Variants in NFIB observed in about 807,000 individuals in gnomAD.
NFIB encodes the protein nuclear factor 1 B-type.
NFIB carries 11 observed loss-of-function variants against 61.5 expected under a neutral mutation model. The observed-to-expected ratio is 0.18, with a 90% CI of 0.11 to 0.30. The LOEUF is 0.30. NFIB is among the 10% of genes least tolerant of loss of function. NFIB has a pLI of 1.00. For synonymous variants in NFIB, 260 were observed against 216.5 expected (o/e 1.20, Z -1.76); for missense variants, 471 against 608.9 (o/e 0.77, Z 2.38).
chr9:14,445,147 A>G, the NFIB span, among the ~76,000 whole-genome samples: 12 of 152,128 alleles, frequency 7.9e-5, no homozygotes, highest in African/African-American at 2.7e-4. Context: ...ATAGGAATGT[A>G]GTTGATTTTT....
intron 2 of NFIB, among the ~76,000 whole-genome samples, chr9:14,251,593 C>T (rs1042723405): frequency 1.3e-5 from 2 of 152,184 alleles, no homozygotes; most frequent in African/African-American, 2.4e-5. Flanking sequence ...CAAGTGGTAT[C>T]GGTGAACTAG....
chr9:14,259,778 A>G (rs946231213), intron 2 of NFIB, among the ~76,000 whole-genome samples: 8 of 152,030 alleles, frequency 5.3e-5, no homozygotes, highest in African/African-American at 1.9e-4. Flanking sequence ...GGTGGCGGGC[A>G]CTTGTAATCC....
chr9:14,517,614 G>A, the NFIB span, among the ~76,000 whole-genome samples: 4 of 150,720 alleles, frequency 2.7e-5, no homozygotes, highest in African/African-American at 7.3e-5. Context: ...GTGTGGTAGC[G>A]GTGGTCGTGG....
intron 1 of NFIB, chr9:14,358,013 A>C (rs2061196101): frequency 6.6e-6 from 1 of 152,218 alleles, no homozygotes; most frequent in Admixed American, 6.5e-5. Context: ...GGAGGATGAC[A>C]GCAAAGTGGT....
chr9:14,512,117 C>A, the NFIB span, among the ~76,000 whole-genome samples: 1 of 152,184 alleles, frequency 6.6e-6, no homozygotes, highest in Non-Finnish European at 1.5e-5. Context: ...GGAATTCCTT[C>A]GCGTTGTATT....
At chr9:14,202,185 A>C (rs1031975625) in intron 2 of NFIB, among the ~76,000 whole-genome samples, 9 of 151,830 alleles carry the variant, frequency 5.9e-5, no homozygotes, top group African/African-American at 2.2e-4. Context: ...AGTGGGACAA[A>C]CTTTTTCATT....
In NFIB at chr9:14,083,340, C is replaced by G; in HGVS notation, c.*4969G>C. 4.4e-6 allele frequency: 1 copy of G among 227,310 alleles called. No individual in the cohort carries two copies. Among genetic ancestry groups the G allele is most frequent in the Non-Finnish European group, 8.8e-6 (1 of 114,092 alleles). The allele number at this position is 227,310 out of a possible 1,614,324, so 14.1% of individuals were successfully genotyped here. On this transcript the variant is annotated 3_prime_UTR_variant, in exon 11 of 11. Coordinates refer to ENST00000380953, the MANE Select transcript of NFIB (RefSeq NM_001190737.2). The stretch of plus-strand genomic sequence containing the variant: ...CAACTGCAGGGCTCCACTCCACCCA[C>G]ACAATTTTAGGGAATTAGAAAAAAC...
At chr9:14,155,304 TA>T (rs1180471585) in intron 4 of NFIB, among the ~76,000 whole-genome samples, 3 of 152,332 alleles carry the variant, frequency 2.0e-5, no homozygotes, top group African/African-American at 7.2e-5. Flanking sequence ...AGTGGCCAGT[TA>T]AAACAATTGG....
intron 1 of NFIB, among the ~76,000 whole-genome samples, chr9:14,390,667 G>A (rs1321806692): frequency 1.3e-5 from 2 of 152,306 alleles, no homozygotes; most frequent in East Asian, 3.9e-4. Context: ...TGAAAGTGGA[G>A]CCCTCATGAA....
At position 14,203,422 on chromosome 9, in the gene NFIB, T is replaced by C. The variant is rs576375947; in HGVS notation, c.563-23642A>G. Among the ~76,000 whole-genome samples, 3 of 152,350 alleles carry C rather than the reference T, an allele frequency of 2.0e-5. No individual in the cohort carries two copies. The South Asian group carries it at 6.2e-4, about 32-fold the overall frequency. ...GGGTGGAGAAGGCTGCCAAATTAAA[T>C]GTTTACATTAGCACAGCTGTATTGT... is the stretch of plus-strand genomic sequence containing the variant. On this transcript the variant is annotated intron_variant, in intron 2 of 10. Transcript: ENST00000380953.
At chr9:14,503,761 C>A in the NFIB span, among the ~76,000 whole-genome samples, 1 of 152,074 alleles carries the variant, frequency 6.6e-6, no homozygotes, top group African/African-American at 2.4e-5. Context: ...GATTTTCTCC[C>A]CTTCTGTGGG....
chr9:14,479,980 A>G, the NFIB span, among the ~76,000 whole-genome samples: 1 of 151,976 alleles, frequency 6.6e-6, no homozygotes, highest in African/African-American at 2.4e-5. Context: ...AGGAAGGAAG[A>G]AGGAGAAGGA....
rs1466976925 is a variant in NFIB, at chr9:14,225,470, AAAAAAAAAAAG to A, written c.563-45701_563-45691del. On this transcript the variant is annotated intron_variant, in intron 2 of 10. Transcript: ENST00000380953. ...AGACTCCGTCTCAAAAAAAAAAAAA[AAAAAAAAAAAG>A]AAGAAGAAGAAAATAGGTAATATGA... Among the ~76,000 whole-genome samples, 14 of 145,728 alleles carry A rather than the reference AAAAAAAAAAAG, an allele frequency of 9.6e-5. No individual in the cohort carries two copies. The East Asian group carries it at 2.6e-3, about 27-fold the overall frequency.
chr9:14,243,064 CT>C (rs374523066), intron 2 of NFIB, among the ~76,000 whole-genome samples: 17 of 152,132 alleles, frequency 1.1e-4, no homozygotes, highest in African/African-American at 3.6e-4. Context: ...AAACAGCCCC[CT>C]GAAAGAAATC....
the NFIB span, among the ~76,000 whole-genome samples, chr9:14,464,023 T>G: frequency 1.3e-5 from 2 of 152,158 alleles, no homozygotes; most frequent in Non-Finnish European, 2.9e-5. Context: ...ACATGTAGCA[T>G]TTTTACAGTT....
intron 2 of NFIB, among the ~76,000 whole-genome samples, chr9:14,216,357 G>C (rs1232589353): frequency 6.6e-6 from 1 of 152,072 alleles, no homozygotes; most frequent in African/African-American, 2.4e-5. Flanking sequence ...CACTTTACTG[G>C]CCACTATTAA....
At chr9:14,141,902 C>CAAAAAA (rs1207435536) in intron 6 of NFIB, among the ~76,000 whole-genome samples, 13 of 53,550 alleles carry the variant, frequency 2.4e-4, no homozygotes, top group East Asian at 1.5e-3. Context: ...CTGCTGCTCA[C>CAAAAAA]AAAAAAAAAA....
At chr9:14,382,512 C>T (rs555560050) in intron 1 of NFIB, among the ~76,000 whole-genome samples, 112 of 152,032 alleles carry the variant, frequency 7.4e-4, no homozygotes, top group Non-Finnish European at 1.3e-3. Context: ...ACAGGGCCAG[C>T]TCAGAGCCTG....
intron 10 of NFIB, among the ~76,000 whole-genome samples, chr9:14,106,408 T>G (rs1012014767): frequency 1.5e-4 from 23 of 152,096 alleles, no homozygotes; most frequent in South Asian, 4.1e-4. Context: ...AAAGTAAGAT[T>G]ATCTTCCAAA....
Sources: allele counts gnomAD v4.1 joint callset (sites outside exome capture counted in the v4.1 genomes callset), GRCh38; gene constraint gnomAD v4.1.1; transcripts MANE v1.5; gene names NCBI Gene and HGNC (gene_info 2026-07-23, HGNC 2026-07-21).